The following ZNF674 variants were observed in gnomAD, a reference collection of about 807,000 sequenced individuals.
The protein encoded by ZNF674 is zinc finger protein 674.
A neutral mutation model predicts 7.0 loss-of-function variants in ZNF674; 2 were observed. That is an observed-to-expected ratio of 0.29 (90% CI 0.12 to 0.90). ZNF674 has a LOEUF of 0.90. ZNF674 is among the 40% of genes least tolerant of loss of function. ZNF674 has a pLI of 0.57. For synonymous variants in ZNF674, 103 were observed against 145.2 expected (o/e 0.71, Z 2.09); for missense variants, 297 against 415.5 (o/e 0.71, Z 2.48).
chrX:46,510,428 CTG>C (rs1320467499), intron 5 of ZNF674, among the ~76,000 whole-genome samples: 1 of 111,879 alleles, frequency 8.9e-6, no homozygotes, highest in Non-Finnish European at 1.9e-5. Flanking sequence ...GGAGGAAAAA[CTG>C]TCTTCTCAAC....
chrX:46,516,938 A>G (rs1184379849), intron 5 of ZNF674, among the ~76,000 whole-genome samples: 1 of 110,022 alleles, frequency 9.1e-6, no homozygotes, highest in Non-Finnish European at 1.9e-5. Context: ...CAGAGGTTAC[A>G]GATTGCAGTG....
At chrX:46,527,338 C>T (rs1238634394) in intron 5 of ZNF674, among the ~76,000 whole-genome samples, 1 of 109,931 alleles carries the variant, frequency 9.1e-6, no homozygotes, top group Non-Finnish European at 1.9e-5. Context: ...ACAACAAATA[C>T]TTCCACAAAG....
Position 46,537,081 on chromosome X carries a change from GC to G in ZNF674, c.15+4991del, listed in dbSNP as rs201891806. On this transcript the variant is annotated intron_variant, in intron 3 of 5. Coordinates refer to ENST00000683375, the MANE Select transcript of ZNF674 (RefSeq NM_001190417.2). Reference sequence around the variant, plus strand: ...AGGTCAGGAGTTTGAGACCAGCCTGGCCAACATGGCAAAACCCCATCTCTAC... The same window carrying G: ...AGGTCAGGAGTTTGAGACCAGCCTGGCAACATGGCAAAACCCCATCTCTAC... 2.1e-3 allele frequency among the ~76,000 whole-genome samples: 237 copies of G among 111,637 alleles called. 2 individuals are homozygous for G. The East Asian group carries it at 0.033, about 16-fold the overall frequency.
intron 3 of ZNF674, among the ~76,000 whole-genome samples, chrX:46,532,512 T>C (rs1383081595): frequency 8.9e-6 from 1 of 112,035 alleles, no homozygotes; most frequent in Non-Finnish European, 1.9e-5. Flanking sequence ...ACCCTTTGTC[T>C]CGTTAAGTCG....
chrX:46,508,835 AGTT>A (rs1257044047), intron 5 of ZNF674, among the ~76,000 whole-genome samples: 2 of 110,993 alleles, frequency 1.8e-5, no homozygotes, highest in African/African-American at 6.5e-5. Flanking sequence ...ACTTTGCTGA[AGTT>A]GCTTATCAGC....
chrX:46,500,601 G>T lies in ZNF674; in HGVS notation c.973C>A (p.His325Asn). 1 of 1,211,217 alleles carries T rather than the reference G, an allele frequency of 8.3e-7. No individual in the cohort carries two copies. Among genetic ancestry groups the T allele is most frequent in the African/African-American group, 1.7e-5 (1 of 57,807 alleles). ...CCTTTATAAAATGCTTGTCTAATGTGTGTTTTTTCATGTCTAATAAGATGA... is the reference window on the plus strand; with the variant it reads ...CCTTTATAAAATGCTTGTCTAATGTTTGTTTTTTCATGTCTAATAAGATGA... ...SYHLIRHEKT[H>N]IRQAFYKGIK... Residue 325 changes from histidine to asparagine, a missense_variant, in exon 6 of 6, where the codon CAC becomes AAC. Physicochemically the swap from His to Asn is moderately conservative, Grantham distance 68. Transcript: ENST00000683375.
intron 5 of ZNF674, among the ~76,000 whole-genome samples, chrX:46,507,521 C>G (rs1167267451): frequency 1.8e-5 from 2 of 111,516 alleles, no homozygotes; most frequent in Non-Finnish European, 3.8e-5. Flanking sequence ...GATCAAAACC[C>G]ACAAATACGG....
At chrX:46,530,809 GA>G (rs1942096030) in intron 3 of ZNF674, among the ~76,000 whole-genome samples, 1 of 112,950 alleles carries the variant, frequency 8.9e-6, no homozygotes, top group Non-Finnish European at 1.9e-5. Flanking sequence ...GACAGGATTA[GA>G]AGGTTGGGAA....
chrX:46,504,666 A>T (rs1941496469), intron 5 of ZNF674, among the ~76,000 whole-genome samples: 2 of 109,850 alleles, frequency 1.8e-5, no homozygotes. Context: ...TTTGAGTGTA[A>T]CAATCTGGTA....
intron 3 of ZNF674, among the ~76,000 whole-genome samples, chrX:46,530,250 G>C (rs1460298470): frequency 8.9e-6 from 1 of 112,138 alleles, no homozygotes; most frequent in Non-Finnish European, 1.9e-5. Context: ...CAGTGTGCCA[G>C]AGGGCGGGGA....
chrX:46,503,698 G>A (rs1016701669), intron 5 of ZNF674, among the ~76,000 whole-genome samples: 7 of 111,649 alleles, frequency 6.3e-5, no homozygotes, highest in Non-Finnish European at 1.3e-4. Context: ...ATGCTTATAT[G>A]CCAAAAGCAA....
chrX:46,534,337 C>A, intron 3 of ZNF674, among the ~76,000 whole-genome samples: 1 of 110,985 alleles, frequency 9.0e-6, no homozygotes, highest in Non-Finnish European at 1.9e-5. Context: ...TCACTCTGAA[C>A]CCTCAAATAA....
At chrX:46,518,746 C>G (rs1209155761) in intron 5 of ZNF674, among the ~76,000 whole-genome samples, 1 of 106,962 alleles carries the variant, frequency 9.3e-6, no homozygotes, top group African/African-American at 3.4e-5. Flanking sequence ...ATTAGCTGGG[C>G]ATTGTGGTGG....
intron 2 of ZNF674, among the ~76,000 whole-genome samples, chrX:46,543,645 G>A (rs1204276749): frequency 1.8e-5 from 2 of 112,085 alleles, no homozygotes; most frequent in Non-Finnish European, 3.8e-5. Flanking sequence ...CCTTTCCCAT[G>A]ATTTGCATTT....
chrX:46,507,769 G>A (rs935143944), intron 5 of ZNF674, among the ~76,000 whole-genome samples: 1 of 111,916 alleles, frequency 8.9e-6, no homozygotes. Flanking sequence ...GCAGCGTGGT[G>A]AGTTCAATCT....
chrX:46,513,570 C>T (rs1055485651), intron 5 of ZNF674, among the ~76,000 whole-genome samples: 2 of 111,839 alleles, frequency 1.8e-5, no homozygotes, highest in Non-Finnish European at 3.8e-5. Context: ...ATACATTTCA[C>T]GAAGCTGTAT....
At chrX:46,537,483 AG>A (rs1214549840) in intron 3 of ZNF674, among the ~76,000 whole-genome samples, 3 of 112,025 alleles carry the variant, frequency 2.7e-5, no homozygotes, top group African/African-American at 6.5e-5. Context: ...TGCAACAGAA[AG>A]GGAGGAATGA....
chrX:46,528,433 C>G lies in ZNF674; in HGVS notation c.155G>C (p.Gly52Ala), dbSNP rs1942048651. 1 of 1,209,700 alleles carries G rather than the reference C, an allele frequency of 8.3e-7. No homozygotes were observed. ...CAACCTGAAGATCACATCTGGCTTC[C>G]CAACTAGATGCCCTGTTTAGGGGAC... ...SHLVSVGHLV[G>A]KPDVIFRLGP... Residue 52 changes from glycine to alanine, a missense_variant, in exon 5 of 6, where the codon GGG becomes GCG. Transcript: ENST00000683375.
intron 3 of ZNF674, among the ~76,000 whole-genome samples, chrX:46,533,217 C>T (rs1455990999): frequency 9.0e-6 from 1 of 111,366 alleles, no homozygotes; most frequent in Non-Finnish European, 1.9e-5. Flanking sequence ...CGACCAGTGG[C>T]TCCACCAGGA....
Sources: gnomAD v4.1 joint callset for allele counts (sites outside exome capture counted in the v4.1 genomes callset) on GRCh38, gnomAD v4.1.1 for gene constraint, MANE v1.5 for transcripts, NCBI Gene and HGNC (gene_info 2026-07-23, HGNC 2026-07-21) for gene names.